Variants in DIP2C observed in about 807,000 individuals in gnomAD.
The protein encoded by DIP2C is disco-interacting protein 2 homolog C.
In DIP2C, 33 loss-of-function variants were observed where a neutral mutation model predicts 192.4. That is an observed-to-expected ratio of 0.17 (90% CI 0.13 to 0.23). The LOEUF is 0.23. Among genes scored for constraint, DIP2C ranks in the 10% least tolerant of loss-of-function variants. The pLI, the probability that DIP2C is intolerant of heterozygous loss-of-function variation, is 1.00. For missense variants in DIP2C, 1,537 were observed against 2,110.1 expected (o/e 0.73, Z 5.32); for synonymous variants, 979 against 864.1 (o/e 1.13, Z -2.33).
chr10:409,074 T>C, intron 8 of DIP2C, 57 bp from the exon 9 acceptor site: 1 of 1,574,100 alleles, frequency 6.4e-7, no homozygotes, highest in East Asian at 2.2e-5. Flanking sequence ...GAGCACAGCT[T>C]CTGCAAGTCA....
At chr10:574,718 G>A (rs960334716) in intron 1 of DIP2C, among the ~76,000 whole-genome samples, 4 of 152,146 alleles carry the variant, frequency 2.6e-5, no homozygotes, top group East Asian at 1.9e-4. Context: ...CCAGGCCCTC[G>A]AAAATCAAGG....
At chr10:356,820 G>T (rs759754803) in intron 23 of DIP2C, among the ~76,000 whole-genome samples, 1 of 152,186 alleles carries the variant, frequency 6.6e-6, no homozygotes, top group African/African-American at 2.4e-5. Flanking sequence ...GCCCAAGGAT[G>T]GGAACCATTT....
chr10:288,336 A>G (rs368564097), intron 33 of DIP2C, 28 bp downstream of exon 33: 1 of 1,608,628 alleles, frequency 6.2e-7, no homozygotes, highest in Non-Finnish European at 8.5e-7. Flanking sequence ...CGGATACAGA[A>G]ATGCGTGCCT....
intron 3 of DIP2C, among the ~76,000 whole-genome samples, chr10:464,184 A>G (rs1189401179): frequency 6.6e-6 from 1 of 152,204 alleles, no homozygotes; most frequent in African/African-American, 2.4e-5. Context: ...ACAGCAAAAT[A>G]AACTACCATC....
chr10:341,167 T>G, intron 29 of DIP2C, 32 bp downstream of exon 29: 1 of 1,613,464 alleles, frequency 6.2e-7, no homozygotes, highest in African/African-American at 1.3e-5. Flanking sequence ...GCATGATTTT[T>G]TTTAATGTAA....
chr10:327,500 A>C (rs535702563), intron 30 of DIP2C, among the ~76,000 whole-genome samples: 1 of 152,370 alleles, frequency 6.6e-6, no homozygotes, highest in East Asian at 1.9e-4. Context: ...TCGGGAAAAG[A>C]GAGCCATCTG....
chr10:564,834 A>T (rs1055439134), intron 1 of DIP2C, among the ~76,000 whole-genome samples: 1 of 152,196 alleles, frequency 6.6e-6, no homozygotes, highest in Admixed American at 6.5e-5. Flanking sequence ...CGTGAGCAGA[A>T]ACTGGAAAAC....
chr10:447,137 T>TCA (rs1340811691), intron 3 of DIP2C, among the ~76,000 whole-genome samples: 1 of 152,132 alleles, frequency 6.6e-6, no homozygotes, highest in Non-Finnish European at 1.5e-5. Context: ...AAAGGGCTTG[T>TCA]CACACACAGT....
Position 597,021 on chromosome 10 carries a change from T to C in DIP2C, c.85+92473A>G, listed in dbSNP as rs553047796. Among the ~76,000 whole-genome samples the C allele has an allele frequency of 2.0e-5, 3 of 152,284 alleles. No individual in the cohort carries two copies. The South Asian group carries it at 6.2e-4, about 32-fold the overall frequency. On this transcript the variant is annotated intron_variant, in intron 1 of 36. Coordinates refer to ENST00000280886, the MANE Select transcript of DIP2C (RefSeq NM_014974.3). Reference sequence around the variant, plus strand: ...TTCTGCATTATTTCTGTGTGAGATGTGTGTTTGCCTCTGGACTGAGTGGAG... The same window carrying C: ...TTCTGCATTATTTCTGTGTGAGATGCGTGTTTGCCTCTGGACTGAGTGGAG...
rs1855749082 is a variant in DIP2C at position 649,950 on chromosome 10, C to T, written c.85+39544G>A. The T allele has an allele frequency of 8.2e-6, 5 of 612,888 alleles. No homozygotes were observed. The Admixed American group carries it at 1.4e-4, about 17-fold the overall frequency. The allele number at this position is 612,888 out of a possible 1,614,324, so 38.0% of individuals were successfully genotyped here. On this transcript the variant is annotated intron_variant, in intron 1 of 36. Transcript: ENST00000280886. Reference sequence around the variant, plus strand: ...TCACGGCGTTGCCGCACACCATTAACACATCAAAACGGAAAAGGAAATGTA... The same window carrying T: ...TCACGGCGTTGCCGCACACCATTAATACATCAAAACGGAAAAGGAAATGTA...
chr10:648,119 G>A (rs531526338), intron 1 of DIP2C, among the ~76,000 whole-genome samples: 82 of 148,022 alleles, frequency 5.5e-4, no homozygotes, highest in Middle Eastern at 4.3e-3. Flanking sequence ...CACATTGGAC[G>A]GTGGGCGAGA....
intron 1 of DIP2C, among the ~76,000 whole-genome samples, chr10:548,216 C>CCCCT (rs1554897840): frequency 3.9e-5 from 5 of 127,948 alleles, no homozygotes; most frequent in Admixed American, 3.0e-4. Flanking sequence ...CCACCCCCCC[C>CCCCT]CCCACAGGAA....
chr10:459,826 A>T (rs986453858), intron 3 of DIP2C, among the ~76,000 whole-genome samples: 21 of 146,050 alleles, frequency 1.4e-4, no homozygotes, highest in Non-Finnish European at 1.5e-5. Context: ...ACATCAGGGA[A>T]CTGCGTGCTG....
At chr10:624,151 A>AG (rs1378425028) in intron 1 of DIP2C, among the ~76,000 whole-genome samples, 2 of 152,194 alleles carry the variant, frequency 1.3e-5, no homozygotes, top group African/African-American at 4.8e-5. Flanking sequence ...CCGCACGGCG[A>AG]GGCCCCCAGC....
rs554519703 is a variant in DIP2C at position 319,468 on chromosome 10, G to A, written c.3924+7538C>T. On this transcript the variant is annotated intron_variant, in intron 31 of 36. Transcript: ENST00000280886. ...TCTTTTGGAAAACAGAAGACCTCAT[G>A]TTTTTCTTCCCTGCTTCTACTAGAA... 7.9e-4 allele frequency among the ~76,000 whole-genome samples: 120 copies of A among 152,234 alleles called. 1 individual carries two copies. Among genetic ancestry groups the A allele is most frequent in the Non-Finnish European group, 1.6e-3 (109 of 68,006 alleles).
intron 34 of DIP2C, among the ~76,000 whole-genome samples, chr10:284,703 T>C (rs72772824): frequency 0.017 from 2,649 of 152,286 alleles, 40 homozygotes; most frequent in Non-Finnish European, 0.028. Context: ...CTATATCACT[T>C]AATTGAAATT....
chr10:414,884 GTGTGTGTA>G (rs1270969794), intron 7 of DIP2C, among the ~76,000 whole-genome samples: 1,620 of 63,924 alleles, frequency 0.025, 31 homozygotes, highest in African/African-American at 0.033. Context: ...GTGTGTGTGT[GTGTGTGTA>G]TATATATATA....
At chr10:347,838 AACCCCAC>A in intron 26 of DIP2C, among the ~76,000 whole-genome samples, 1 of 108,036 alleles carries the variant, frequency 9.3e-6, no homozygotes, top group African/African-American at 3.4e-5. Flanking sequence ...CTCTCCTGGA[AACCCCAC>A]ACGCACCCAG....
chr10:597,146 C>T (rs372068545), intron 1 of DIP2C, among the ~76,000 whole-genome samples: 204 of 152,298 alleles, frequency 1.3e-3, no homozygotes, highest in South Asian at 3.9e-3. Flanking sequence ...AGGCTGGGCT[C>T]GCTCCACCTG....
Sources: allele counts gnomAD v4.1 joint callset (sites outside exome capture counted in the v4.1 genomes callset), GRCh38; gene constraint gnomAD v4.1.1; transcripts MANE v1.5; gene names NCBI Gene and HGNC (gene_info 2026-07-23, HGNC 2026-07-21).